NID1: variants seen among roughly 807,000 people sequenced by gnomAD.
The protein encoded by NID1 is nidogen 1.
Under a neutral mutation model 130.6 loss-of-function variants are expected in NID1, and 76 were observed. The ratio of observed to expected loss-of-function variants is 0.58; its 90% CI spans 0.48 to 0.70. The LOEUF (loss-of-function observed/expected upper bound fraction) is 0.70, where lower values mean the gene tolerates loss of function less well. Among genes scored for constraint, NID1 ranks in the 30% least tolerant of loss-of-function variants. NID1 has a pLI of 0.00. For synonymous variants in NID1, 665 were observed against 675.1 expected (o/e 0.98, Z 0.23); for missense variants, 1,517 against 1,664.8 (o/e 0.91, Z 1.54).
At chr1:236,000,225 C>A (rs565080031) in intron 12 of NID1, among the ~76,000 whole-genome samples, 1 of 152,088 alleles carries the variant, frequency 6.6e-6, no homozygotes, top group East Asian at 1.9e-4. Flanking sequence ...ATTAAAACAA[C>A]AACAACAACA....
intron 1 of NID1, among the ~76,000 whole-genome samples, chr1:236,056,522 A>C (rs182700923): frequency 1.3e-5 from 2 of 152,314 alleles, no homozygotes; most frequent in Non-Finnish European, 2.9e-5. Flanking sequence ...AACTATTTTG[A>C]AATATACAAT....
At chr1:235,997,034 A>G (rs896216372) in intron 12 of NID1, among the ~76,000 whole-genome samples, 1 of 151,964 alleles carries the variant, frequency 6.6e-6, no homozygotes, top group African/African-American at 2.4e-5. Context: ...GGGTTTCACC[A>G]TGTTGGTCAG....
intron 8 of NID1, among the ~76,000 whole-genome samples, chr1:236,024,983 C>G (rs10927285): frequency 0.28 from 42,228 of 151,332 alleles, 6,379 homozygotes; most frequent in Non-Finnish European, 0.34. Flanking sequence ...GACAGCCCCT[C>G]TCTGCTGCCC....
intron 5 of NID1, among the ~76,000 whole-genome samples, chr1:236,035,915 A>G (rs1659244653): frequency 6.6e-6 from 1 of 152,176 alleles, no homozygotes. Flanking sequence ...CAAACAAAAA[A>G]TTTTCCACCA....
intron 14 of NID1, among the ~76,000 whole-genome samples, chr1:235,987,335 C>T (rs1657602604): frequency 1.3e-5 from 2 of 152,288 alleles, no homozygotes; most frequent in South Asian, 2.1e-4. Context: ...GTTGATTTGG[C>T]AAAGCCTTGT....
chr1:236,011,956 C>T lies in NID1; in HGVS notation c.2492G>A (p.Gly831Asp), dbSNP rs1469924538. ...GCAACGGAAGCCGTCTCCCTGATAA[C>T]CAGGTTTGCACTGGCACGTGAAAGA... ...PGSFTCQCKP[G>D]YQGDGFRCVP... Residue 831 changes from glycine (G) to aspartate (D), a missense_variant, in exon 12 of 20, where the codon GGT becomes GAT. Around this residue, in one of 3 missense-constraint regions of NID1, gnomAD observed 1,329 missense variants for 1,429.2 expected, o/e 0.93. Coordinates refer to ENST00000264187, the MANE Select transcript of NID1 (RefSeq NM_002508.3). The T allele has an allele frequency of 3.1e-6, 5 of 1,614,200 alleles. No individual in the cohort carries two copies. Among genetic ancestry groups the T allele is most frequent in the African/African-American group, 2.7e-5 (2 of 75,068 alleles).
At chr1:236,032,765 G>A in intron 5 of NID1, 113 bp from the exon 6 acceptor site, 1 of 1,387,408 alleles carries the variant, frequency 7.2e-7, no homozygotes, top group Non-Finnish European at 9.7e-7. Flanking sequence ...AAACAAAACA[G>A]CACTGGGGTC....
In NID1 at chr1:235,979,800, C is replaced by T. The variant is rs114355234; in HGVS notation, c.3509+22G>A. On this transcript the variant is annotated intron_variant, in intron 18 of 19. Coordinates refer to ENST00000264187, the MANE Select transcript of NID1 (RefSeq NM_002508.3). This position sits in a 1 kb window ranked among gnomAD's most constrained non-coding sequence, Gnocchi z 4.6. ...GGTGGAGGGGCAGGCCCACGCAGCC[C>T]CCATGGCTACAGCTGACGTACATCT... 3,068 of 1,612,190 alleles carry T rather than the reference C, an allele frequency of 1.9e-3. 68 individuals are homozygous for T. In the African/African-American group the frequency reaches 0.038, roughly 20 times the overall value.
rs898250119 is a variant in NID1, at chr1:236,036,894, T to C, written c.1285+1210A>G. Among the ~76,000 whole-genome samples the C allele has an allele frequency of 7.9e-5, 12 of 152,170 alleles. 1 individual carries two copies. Among genetic ancestry groups the C allele is most frequent in the Admixed American group, 3.9e-4 (6 of 15,284 alleles). Reference sequence around the variant, plus strand: ...CTCCATCACTGTAAGAAATAAATTTTTTTTCTTTATAAATTACTCAGTTTC... The same window carrying C: ...CTCCATCACTGTAAGAAATAAATTTCTTTTCTTTATAAATTACTCAGTTTC... On this transcript the variant is annotated intron_variant, in intron 5 of 19. Transcript: ENST00000264187.
intron 6 of NID1, among the ~76,000 whole-genome samples, chr1:236,030,832 T>G (rs73115265): frequency 0.1 from 15,786 of 152,194 alleles, 1,339 homozygotes; most frequent in East Asian, 0.43. Flanking sequence ...TGCAAAGACT[T>G]CCTCTCCCTC....
At chr1:236,005,149 G>A (rs1658210761) in intron 12 of NID1, among the ~76,000 whole-genome samples, 1 of 152,010 alleles carries the variant, frequency 6.6e-6, no homozygotes, top group Non-Finnish European at 1.5e-5. Context: ...CTCCAGCCTG[G>A]GTAACACCAT....
At chr1:236,053,847 G>A (rs1166000017) in intron 1 of NID1, among the ~76,000 whole-genome samples, 1 of 152,206 alleles carries the variant, frequency 6.6e-6, no homozygotes, top group African/African-American at 2.4e-5. Flanking sequence ...GCCTGAGGGT[G>A]AGCTCAGTTG....
intron 10 of NID1, 61 bp from the exon 11 acceptor site, chr1:236,013,621 C>T (rs754805848): frequency 9.4e-6 from 15 of 1,596,336 alleles, no homozygotes; most frequent in Non-Finnish European, 1.3e-5. Flanking sequence ...AGGCCACATG[C>T]CCCTCCCAGC....
intron 3 of NID1, 80 bp from the exon 4 acceptor site, chr1:236,042,372 A>G: frequency 6.5e-7 from 1 of 1,527,102 alleles, no homozygotes; most frequent in Non-Finnish European, 8.8e-7. Context: ...GGGAGCCCTG[A>G]GGATCTGTGT....
intron 1 of NID1, among the ~76,000 whole-genome samples, chr1:236,061,156 A>C (rs1660025869): frequency 6.6e-6 from 1 of 152,214 alleles, no homozygotes; most frequent in African/African-American, 2.4e-5. Context: ...AAATAAAATA[A>C]AACATCATCC....
At chr1:235,994,895 C>T (rs1164503354) in intron 12 of NID1, among the ~76,000 whole-genome samples, 1 of 152,172 alleles carries the variant, frequency 6.6e-6, no homozygotes, top group African/African-American at 2.4e-5. Flanking sequence ...CGGGGTTTCA[C>T]CATGTTGGCC....
Position 236,048,591 on chromosome 1 carries a change from T to C in NID1, c.525+99A>G, listed in dbSNP as rs1659676952. The C allele has an allele frequency of 6.1e-6, 8 of 1,303,482 alleles. No individual in the cohort carries two copies. In the South Asian group the frequency reaches 8.9e-5, roughly 15 times the overall value. The allele number at this position is 1,303,482 out of a possible 1,614,324, so 80.7% of individuals were successfully genotyped here. A position where few individuals can be genotyped will look rare whatever the true frequency, so the allele number is the denominator to read the frequency against. ...GCTTTGGATTTCCTGTCTTTATCAA[T>C]GGTGTATAACTTATGTCAAAGCAGC... On this transcript the variant is annotated intron_variant, in intron 2 of 19. Coordinates refer to ENST00000264187, the MANE Select transcript of NID1 (RefSeq NM_002508.3).
intron 5 of NID1, among the ~76,000 whole-genome samples, chr1:236,036,541 A>G (rs1339795066): frequency 6.6e-6 from 1 of 152,226 alleles, no homozygotes; most frequent in Non-Finnish European, 1.5e-5. Context: ...ATGACCCACG[A>G]CAAGTGAGAC....
At chr1:235,990,454 T>C (rs1397840304) in intron 14 of NID1, among the ~76,000 whole-genome samples, 1 of 152,202 alleles carries the variant, frequency 6.6e-6, no homozygotes, top group East Asian at 1.9e-4. Flanking sequence ...CTCAGCCTTG[T>C]AGTGGAAGCC....
Sources: gnomAD v4.1 joint callset for allele counts (sites outside exome capture counted in the v4.1 genomes callset) on GRCh38, gnomAD v4.1.1 for gene constraint, gnomAD v4.1.1 regional missense constraint, Gnocchi (gnomAD v3.1) non-coding constraint, MANE v1.5 for transcripts, NCBI Gene and HGNC (gene_info 2026-07-23, HGNC 2026-07-21) for gene names.